Variants in TBC1D5 observed in about 807,000 individuals in gnomAD.
TBC1D5 encodes the protein TBC1 domain family member 5.
A neutral mutation model predicts 100.3 loss-of-function variants in TBC1D5; 75 were observed. The ratio of observed to expected loss-of-function variants is 0.75; its 90% CI spans 0.62 to 0.91. TBC1D5 has a LOEUF of 0.91. TBC1D5 is among the 40% of genes least tolerant of loss of function. The probability of loss-of-function intolerance (pLI) is 0.00; values close to 1 mark genes in which losing one functional copy is unlikely to be tolerated. For synonymous variants in TBC1D5, 323 were observed against 325.6 expected (o/e 0.99, Z 0.09); for missense variants, 910 against 942.4 (o/e 0.97, Z 0.45).
chr3:17,491,755 G>A (rs1280478982), intron 3 of TBC1D5, among the ~76,000 whole-genome samples: 1 of 152,128 alleles, frequency 6.6e-6, no homozygotes, highest in Non-Finnish European at 1.5e-5. Context: ...GTTGCCTTAA[G>A]TTTTCTGTTT....
intron 2 of TBC1D5, among the ~76,000 whole-genome samples, chr3:17,610,917 G>C (rs146619851): frequency 6.6e-6 from 1 of 152,076 alleles, no homozygotes; most frequent in Non-Finnish European, 1.5e-5. Context: ...GGCTGAGGCA[G>C]GAGAATGACT....
intron 15 of TBC1D5, among the ~76,000 whole-genome samples, chr3:17,276,462 C>T (rs1313031999): frequency 3.3e-5 from 5 of 152,176 alleles, no homozygotes; most frequent in Admixed American, 1.3e-4. Context: ...CTGCTCTAGG[C>T]CCCACTGCAG....
intron 3 of TBC1D5, among the ~76,000 whole-genome samples, chr3:17,459,017 C>T (rs2095148411): frequency 6.6e-6 from 1 of 152,094 alleles, no homozygotes; most frequent in Non-Finnish European, 1.5e-5. Context: ...AGAATGAGTA[C>T]ATGTGGATCA....
At chr3:17,331,933 G>A (rs1304300775) in intron 13 of TBC1D5, among the ~76,000 whole-genome samples, 1 of 152,230 alleles carries the variant, frequency 6.6e-6, no homozygotes, top group Admixed American at 6.5e-5. Context: ...CAGGGCCCAT[G>A]TAGGGCCTTA....
chr3:17,498,731 A>G (rs1397943652), intron 3 of TBC1D5, among the ~76,000 whole-genome samples: 2 of 152,204 alleles, frequency 1.3e-5, no homozygotes, highest in Non-Finnish European at 2.9e-5. Context: ...ATAATTTTTT[A>G]AACCTCCTAA....
At chr3:17,669,935 G>C (rs1443594124) in intron 1 of TBC1D5, among the ~76,000 whole-genome samples, 1 of 152,180 alleles carries the variant, frequency 6.6e-6, no homozygotes, top group Non-Finnish European at 1.5e-5. Flanking sequence ...GCCCAGGCTG[G>C]AGTGCAATGG....
At chr3:17,550,178 C>A (rs1450368838) in intron 2 of TBC1D5, among the ~76,000 whole-genome samples, 1 of 151,938 alleles carries the variant, frequency 6.6e-6, no homozygotes, top group Non-Finnish European at 1.5e-5. Context: ...TCAAATCAAA[C>A]CTCTTAAATC....
chr3:17,236,940 C>T (rs887753413), intron 17 of TBC1D5, among the ~76,000 whole-genome samples: 2 of 152,052 alleles, frequency 1.3e-5, no homozygotes, highest in Non-Finnish European at 2.9e-5. Context: ...TGTGTGTGTA[C>T]ACACACTCAT....
intron 2 of TBC1D5, among the ~76,000 whole-genome samples, chr3:17,584,162 T>C (rs551425400): frequency 1.3e-5 from 2 of 152,316 alleles, no homozygotes; most frequent in South Asian, 2.1e-4. Flanking sequence ...AGAACGCAGA[T>C]TGATCGATGT....
At chr3:17,340,003 A>G (rs1452967175) in intron 13 of TBC1D5, among the ~76,000 whole-genome samples, 1 of 152,164 alleles carries the variant, frequency 6.6e-6, no homozygotes, top group Non-Finnish European at 1.5e-5. Flanking sequence ...TATAAGATAA[A>G]GCTTTGATAT....
chr3:17,599,107 G>C (rs1472778703), intron 2 of TBC1D5, among the ~76,000 whole-genome samples: 1 of 152,172 alleles, frequency 6.6e-6, no homozygotes, highest in African/African-American at 2.4e-5. Flanking sequence ...CATTAGGAAG[G>C]TTATTTGTGC....
chr3:17,230,162 C>T (rs1407915371), intron 17 of TBC1D5, among the ~76,000 whole-genome samples: 3 of 152,108 alleles, frequency 2.0e-5, no homozygotes, highest in Non-Finnish European at 4.4e-5. Flanking sequence ...TCTTCCCTCA[C>T]TCTTGTGAGT....
intron 4 of TBC1D5, among the ~76,000 whole-genome samples, chr3:17,410,350 A>G (rs1484727067): frequency 6.6e-6 from 1 of 152,312 alleles, no homozygotes; most frequent in South Asian, 2.1e-4. Context: ...TCATCACCCA[A>G]GAGCTCTGAT....
At chr3:17,582,212 G>A (rs1168863024) in intron 2 of TBC1D5, among the ~76,000 whole-genome samples, 1 of 152,182 alleles carries the variant, frequency 6.6e-6, no homozygotes. Context: ...TGTTTTCACT[G>A]TGATAGCTCC....
In TBC1D5 at chr3:17,563,963, T is replaced by C. The variant is rs1470788127; in HGVS notation, c.-35-55358A>G. 2.6e-5 allele frequency among the ~76,000 whole-genome samples: 4 copies of C among 152,280 alleles called. No individual in the cohort carries two copies. In the East Asian group the frequency reaches 7.7e-4, roughly 29 times the overall value. ...ATGCCTGGCTAATTTTTTGTATTTT[T>C]AGTAGAGACGGGGTTTCACCGTGTT... On this transcript the variant is annotated intron_variant, in intron 2 of 21. Coordinates refer to ENST00000253692, the Ensembl canonical transcript of TBC1D5.
At chr3:17,676,621 T>A (rs1168362757) in intron 1 of TBC1D5, among the ~76,000 whole-genome samples, 1 of 152,166 alleles carries the variant, frequency 6.6e-6, no homozygotes, top group Non-Finnish European at 1.5e-5. Context: ...AAGCTACCAA[T>A]GACTTGCTTC....
At chr3:17,375,533 T>C (rs372783784) in intron 10 of TBC1D5, among the ~76,000 whole-genome samples, 1 of 150,748 alleles carries the variant, frequency 6.6e-6, no homozygotes, top group East Asian at 1.9e-4. Flanking sequence ...CACTGCTGCA[T>C]AGAGCAAGAC....
chr3:17,306,840 TA>T (rs1266109792), intron 14 of TBC1D5, among the ~76,000 whole-genome samples: 2 of 152,114 alleles, frequency 1.3e-5, no homozygotes, highest in East Asian at 3.8e-4. Context: ...TAAAATCCAG[TA>T]TCCATCAAAT....
At chr3:17,366,096 C>T (rs891842005) in intron 13 of TBC1D5, among the ~76,000 whole-genome samples, 2 of 152,040 alleles carry the variant, frequency 1.3e-5, no homozygotes, top group African/African-American at 4.8e-5. Context: ...TTGAGATCAA[C>T]CTGGGCAACA....
Sources: allele counts gnomAD v4.1 joint callset (sites outside exome capture counted in the v4.1 genomes callset), GRCh38; gene constraint gnomAD v4.1.1; transcripts MANE v1.5; gene names NCBI Gene and HGNC (gene_info 2026-07-23, HGNC 2026-07-21).